Variants in AGBL4 observed in about 807,000 individuals in gnomAD.
AGBL4 encodes the protein cytosolic carboxypeptidase 6.
A neutral mutation model predicts 66.4 loss-of-function variants in AGBL4; 58 were observed. The ratio of observed to expected loss-of-function variants is 0.87; its 90% CI spans 0.71 to 1.09. The LOEUF is 1.09. Among genes scored for constraint, AGBL4 ranks in the 50% least tolerant of loss-of-function variants. The probability of loss-of-function intolerance (pLI) is 0.00; values close to 1 mark genes in which losing one functional copy is unlikely to be tolerated. For missense variants in AGBL4, 579 were observed against 631.0 expected, an observed-to-expected ratio of 0.92 and a Z score of 0.88; for synonymous variants, 234 against 222.9, an observed-to-expected ratio of 1.05 and a Z score of -0.44.
At chr1:49,165,829 C>T (rs1191341905) in intron 4 of AGBL4, among the ~76,000 whole-genome samples, 3 of 151,850 alleles carry the variant, frequency 2.0e-5, no homozygotes, top group Non-Finnish European at 2.9e-5. Flanking sequence ...TTGAATCATG[C>T]CCAAATTGGT....
At chr1:49,132,417 T>C (rs1388206196) in intron 4 of AGBL4, among the ~76,000 whole-genome samples, 1 of 152,142 alleles carries the variant, frequency 6.6e-6, no homozygotes, top group Non-Finnish European at 1.5e-5. Flanking sequence ...AATAGACTCT[T>C]CAGTGTCTGG....
chr1:48,886,716 C>A (rs557547865), intron 5 of AGBL4, among the ~76,000 whole-genome samples: 31 of 152,118 alleles, frequency 2.0e-4, no homozygotes, highest in African/African-American at 7.2e-4. Flanking sequence ...CCACGCCTGG[C>A]TAATGTTTTG....
Position 49,608,974 on chromosome 1 carries a change from CAAGTTT to C in AGBL4, c.282+88333_282+88338del, listed in dbSNP as rs1645107472. On this transcript the variant is annotated intron_variant, in intron 3 of 13. Transcript: ENST00000371839. ...AATGAGAAATCTGAATTTTAAAAAC[CAAGTTT>C]AATTTGCCCAAAGTCACAAAGTTAG... 3.3e-5 allele frequency among the ~76,000 whole-genome samples: 5 copies of C among 152,180 alleles called. No homozygotes were observed. The South Asian group carries it at 1.0e-3, about 32-fold the overall frequency.
chr1:48,648,383 T>A (rs1227981422), intron 8 of AGBL4, among the ~76,000 whole-genome samples: 2 of 152,190 alleles, frequency 1.3e-5, no homozygotes, highest in East Asian at 3.9e-4. Context: ...GCTGTAGCCA[T>A]CCCATTCTTG....
intron 3 of AGBL4, among the ~76,000 whole-genome samples, chr1:49,531,234 C>A (rs751641365): frequency 7.9e-5 from 12 of 152,098 alleles, no homozygotes; most frequent in Admixed American, 1.3e-4. Flanking sequence ...GAGAAGAGTG[C>A]ACTGGGCTGT....
At chr1:49,817,107 C>A (rs902983369) in intron 2 of AGBL4, among the ~76,000 whole-genome samples, 2 of 152,116 alleles carry the variant, frequency 1.3e-5, no homozygotes, top group African/African-American at 4.8e-5. Context: ...GTTGACCAGA[C>A]CCAAACTGAG....
rs376915789 is a variant in AGBL4 at position 49,476,914 on chromosome 1, T to C, written c.282+220399A>G. ...CCCTTGGGCCTGAAGATAAAATCAA[T>C]AGAAGCCTGGCAGTAAGTACTCCCT... On this transcript the variant is annotated intron_variant, in intron 3 of 13. Transcript: ENST00000371839. 1.6e-3 allele frequency among the ~76,000 whole-genome samples: 244 copies of C among 152,092 alleles called. 2 individuals carry two copies. Among genetic ancestry groups the C allele is most frequent in the African/African-American group, 4.9e-3 (205 of 41,508 alleles).
At chr1:49,668,572 A>G (rs1348463081) in intron 3 of AGBL4, among the ~76,000 whole-genome samples, 1 of 152,206 alleles carries the variant, frequency 6.6e-6, no homozygotes, top group Non-Finnish European at 1.5e-5. Context: ...TCAGAAATCT[A>G]CCAGTAACTG....
At chr1:49,620,046 AG>A (rs1487407785) in intron 3 of AGBL4, among the ~76,000 whole-genome samples, 3 of 152,190 alleles carry the variant, frequency 2.0e-5, no homozygotes, top group Non-Finnish European at 2.9e-5. Flanking sequence ...AATACCATTC[AG>A]GACATAAGCA....
At chr1:48,572,617 A>G (rs528992393) in intron 11 of AGBL4, among the ~76,000 whole-genome samples, 4 of 152,170 alleles carry the variant, frequency 2.6e-5, no homozygotes, top group African/African-American at 9.6e-5. Context: ...AAAACGGGGA[A>G]TGAAAGAGGA....
chr1:49,899,846 G>C (rs975270915), intron 1 of AGBL4, among the ~76,000 whole-genome samples: 35 of 152,142 alleles, frequency 2.3e-4, no homozygotes, highest in Admixed American at 1.8e-3. Context: ...CTCCAGACCA[G>C]CCTGTCCAAC....
intron 9 of AGBL4, among the ~76,000 whole-genome samples, chr1:48,591,758 A>G (rs1364308325): frequency 6.6e-6 from 1 of 152,192 alleles, no homozygotes; most frequent in Non-Finnish European, 1.5e-5. Flanking sequence ...CATGAAGGAA[A>G]ATGCCTTTGC....
intron 1 of AGBL4, among the ~76,000 whole-genome samples, chr1:49,889,784 C>T (rs1435426840): frequency 6.6e-6 from 1 of 151,952 alleles, no homozygotes; most frequent in Non-Finnish European, 1.5e-5. Context: ...ATCAGGTTTT[C>T]TAATCTTCTA....
At chr1:49,926,168 A>G (rs1652748594) in intron 1 of AGBL4, among the ~76,000 whole-genome samples, 1 of 152,234 alleles carries the variant, frequency 6.6e-6, no homozygotes, top group South Asian at 2.1e-4. Context: ...AGCTCCAGAC[A>G]GTTCAAAAGA....
At chr1:49,493,864 C>T (rs1647291094) in intron 3 of AGBL4, among the ~76,000 whole-genome samples, 1 of 151,832 alleles carries the variant, frequency 6.6e-6, no homozygotes, top group African/African-American at 2.4e-5. Flanking sequence ...TGTTAGGCTG[C>T]CATATCTCTT....
chr1:48,622,808 A>G (rs1645438169), intron 9 of AGBL4, among the ~76,000 whole-genome samples: 1 of 152,146 alleles, frequency 6.6e-6, no homozygotes, highest in South Asian at 2.1e-4. Flanking sequence ...TATACTAATA[A>G]TAGTTAAATT....
chr1:49,741,194 T>C (rs1046095990), intron 2 of AGBL4, among the ~76,000 whole-genome samples: 1 of 151,758 alleles, frequency 6.6e-6, no homozygotes, highest in Non-Finnish European at 1.5e-5. Context: ...ATCAAATAGA[T>C]GCAATAAAAA....
At chr1:49,598,032 G>A (rs1212983601) in intron 3 of AGBL4, among the ~76,000 whole-genome samples, 5 of 152,064 alleles carry the variant, frequency 3.3e-5, no homozygotes, top group Non-Finnish European at 4.4e-5. Flanking sequence ...TGATTGCCCT[G>A]GCCAGAACTT....
At chr1:48,565,469 C>A (rs1644461934) in intron 11 of AGBL4, among the ~76,000 whole-genome samples, 1 of 152,172 alleles carries the variant, frequency 6.6e-6, no homozygotes, top group African/African-American at 2.4e-5. Flanking sequence ...ACCCCTGAGT[C>A]AGGCCTTGGT....
Sources: gnomAD v4.1 joint callset for allele counts (sites outside exome capture counted in the v4.1 genomes callset) on GRCh38, gnomAD v4.1.1 for gene constraint, MANE v1.5 for transcripts, NCBI Gene and HGNC (gene_info 2026-07-23, HGNC 2026-07-21) for gene names.